Variants in NEK10 observed in about 807,000 individuals in gnomAD.
The protein encoded by NEK10 is serine/threonine-protein kinase Nek10.
Under a neutral mutation model 159.8 loss-of-function variants are expected in NEK10, and 122 were observed. The observed-to-expected ratio is 0.76, with a 90% CI of 0.66 to 0.89. NEK10 has a LOEUF of 0.89. Among genes scored for constraint, NEK10 ranks in the 40% least tolerant of loss-of-function variants. NEK10 has a pLI of 0.00. For synonymous variants in NEK10, 466 were observed against 457.1 expected, an observed-to-expected ratio of 1.02 and a Z score of -0.25; for missense variants, 1,342 against 1,323.1, an observed-to-expected ratio of 1.01 and a Z score of -0.22.
intron 32 of NEK10, among the ~76,000 whole-genome samples, chr3:27,124,021 T>G (rs1158283947): frequency 6.6e-6 from 1 of 152,040 alleles, no homozygotes; most frequent in Non-Finnish European, 1.5e-5. Context: ...GTGTTGTGTG[T>G]GTGTGTGTAC....
chr3:27,235,852 T>A (rs2149234274), intron 23 of NEK10, among the ~76,000 whole-genome samples: 1 of 152,222 alleles, frequency 6.6e-6, no homozygotes, highest in East Asian at 1.9e-4. Flanking sequence ...GCTGCACTAT[T>A]CACAATAGCC....
At chr3:27,184,447 G>C (rs1192342743) in intron 26 of NEK10, among the ~76,000 whole-genome samples, 1 of 152,228 alleles carries the variant, frequency 6.6e-6, no homozygotes, top group East Asian at 1.9e-4. Flanking sequence ...GGAACATTCT[G>C]AGGTGAGATA....
chr3:27,275,152 T>C (rs542352919), intron 22 of NEK10, among the ~76,000 whole-genome samples: 29 of 152,298 alleles, frequency 1.9e-4, no homozygotes, highest in African/African-American at 6.5e-4. Context: ...CAGAAAAGGA[T>C]AACAATTGTC....
In NEK10 at chr3:27,284,641, T is replaced by G. The variant is rs1275607282; in HGVS notation, c.1975A>C (p.Asn659His). ...KRIVHRDLTP[N>H]NIMLGDKDKV... ...TCCTTATCCCCCAACATAATGTTGT[T>G]TGGTGTCAGATCTCTATGGACAATC... Residue 659 changes from asparagine to histidine, a missense_variant, in exon 22 of 36, where the codon AAC becomes CAC. Coordinates refer to ENST00000691995, the MANE Select transcript of NEK10 (RefSeq NM_001394966.1). 1 of 1,607,404 alleles carries G rather than the reference T, an allele frequency of 6.2e-7. No individual in the cohort carries two copies. Among genetic ancestry groups the G allele is most frequent in the Non-Finnish European group, 8.5e-7 (1 of 1,174,042 alleles).
intron 22 of NEK10, among the ~76,000 whole-genome samples, chr3:27,272,813 A>G (rs2041472448): frequency 6.6e-6 from 1 of 151,818 alleles, no homozygotes; most frequent in African/African-American, 2.4e-5. Context: ...AAAGAATCAC[A>G]CATATAAATG....
At chr3:27,231,960 G>A (rs952182116) in intron 23 of NEK10, among the ~76,000 whole-genome samples, 9 of 151,884 alleles carry the variant, frequency 5.9e-5, no homozygotes, top group African/African-American at 1.9e-4. Context: ...GATAGAGAGA[G>A]AGGGAATCAT....
intron 9 of NEK10, 137 bp from the exon 10 acceptor site, chr3:27,309,142 C>CTGT (rs2044476971): frequency 5.9e-6 from 2 of 338,778 alleles, no homozygotes; most frequent in Non-Finnish European, 1.0e-5. Flanking sequence ...ATAGGCTTAA[C>CTGT]TGTTTTTTTT....
chr3:27,295,366 T>C (rs1042768129), intron 15 of NEK10, among the ~76,000 whole-genome samples: 1 of 152,196 alleles, frequency 6.6e-6, no homozygotes, highest in African/African-American at 2.4e-5. Flanking sequence ...ATAGAACTTA[T>C]TGATAAGCAA....
At chr3:27,190,196 C>A (rs1224670908) in intron 26 of NEK10, among the ~76,000 whole-genome samples, 1 of 152,150 alleles carries the variant, frequency 6.6e-6, no homozygotes, top group African/African-American at 2.4e-5. Flanking sequence ...GATGAGTATA[C>A]AACCTCTGGA....
chr3:27,270,680 C>G (rs560726119), intron 22 of NEK10, among the ~76,000 whole-genome samples: 35 of 152,214 alleles, frequency 2.3e-4, no homozygotes, highest in African/African-American at 7.9e-4. Context: ...ATATAATTCT[C>G]CACTTCAGGT....
intron 31 of NEK10, among the ~76,000 whole-genome samples, chr3:27,134,902 C>T (rs1363895460): frequency 6.6e-6 from 1 of 152,098 alleles, no homozygotes; most frequent in Non-Finnish European, 1.5e-5. Flanking sequence ...GTCTATGATT[C>T]ATTTGAGCCA....
intron 12 of NEK10, among the ~76,000 whole-genome samples, 199 bp from the exon 13 acceptor site, chr3:27,302,034 C>A (rs995011085): frequency 6.6e-6 from 1 of 152,270 alleles, no homozygotes; most frequent in Admixed American, 6.5e-5. Flanking sequence ...TGATTTCTCA[C>A]TATTTATTGA....
At position 27,346,172 on chromosome 3, in the gene NEK10, C is replaced by T. The variant is rs376739233; in HGVS notation, c.177G>A (p.Lys59=). 1 of 1,613,732 alleles carries T rather than the reference C, an allele frequency of 6.2e-7. No homozygotes were observed. The highest frequency in any genetic ancestry group is 1.3e-5 in the African/African-American group (1 of 75,036). Residue 59 remains lysine (K), a synonymous_variant, in exon 4 of 36, where the codon AAG becomes AAA. Transcript: ENST00000691995. Reference sequence around the variant, plus strand: ...CACCCGCCCTGATGGCGGGCTCAGACTTCGTCATGCTATTTTGGGCACTAT... The same window carrying T: ...CACCCGCCCTGATGGCGGGCTCAGATTTCGTCATGCTATTTTGGGCACTAT... ...NFDSAQNSMT[K]SEPAIRAGGH...
At chr3:27,112,848 A>G (rs1439056071) in intron 35 of NEK10, among the ~76,000 whole-genome samples, 4 of 152,180 alleles carry the variant, frequency 2.6e-5, no homozygotes, top group African/African-American at 9.7e-5. Flanking sequence ...GCAGTCTACT[A>G]ATTCTAAATA....
rs372056462 is a variant in NEK10 at position 27,263,982 on chromosome 3, T to C, written c.2015-7611A>G. Among the ~76,000 whole-genome samples, 9 of 152,282 alleles carry C rather than the reference T, an allele frequency of 5.9e-5. No homozygotes were observed. The South Asian group carries it at 1.5e-3, about 25-fold the overall frequency. On this transcript the variant is annotated intron_variant, in intron 22 of 35. Transcript: ENST00000691995. ...ATGTATTATATATAAATACATGTAGTAGAGTATTGAATAAATGATGTATAT... is the reference window on the plus strand; with the variant it reads ...ATGTATTATATATAAATACATGTAGCAGAGTATTGAATAAATGATGTATAT...
At chr3:27,210,517 T>C (rs1950913118) in intron 23 of NEK10, among the ~76,000 whole-genome samples, 1 of 152,188 alleles carries the variant, frequency 6.6e-6, no homozygotes, top group Non-Finnish European at 1.5e-5. Context: ...ACCATAGCAC[T>C]CTGTATAACG....
rs941709367 is a variant in NEK10 at position 27,110,408 on chromosome 3, A to G, written c.*864T>C. The G allele has an allele frequency of 2.0e-5, 3 of 152,214 alleles. No homozygotes were observed. Among genetic ancestry groups the G allele is most frequent in the Non-Finnish European group, 4.4e-5 (3 of 68,042 alleles). 9.4% of individuals were successfully genotyped at this position (152,214 alleles called of 1,614,324 possible). A position where few individuals can be genotyped will look rare whatever the true frequency, so the allele number is the denominator to read the frequency against. ...TAAACAATTCATAAACAATTTAGGTAATTGTAATAAGGAGGGATTTAGGAT... is the reference window on the plus strand; with the variant it reads ...TAAACAATTCATAAACAATTTAGGTGATTGTAATAAGGAGGGATTTAGGAT... On this transcript the variant is annotated 3_prime_UTR_variant, in exon 36 of 36. Transcript: ENST00000691995.
At chr3:27,196,624 G>T (rs1282876359) in intron 25 of NEK10, among the ~76,000 whole-genome samples, 1 of 152,124 alleles carries the variant, frequency 6.6e-6, no homozygotes, top group Admixed American at 6.6e-5. Flanking sequence ...AAGAGTCCTG[G>T]GTAGCCATAG....
intron 22 of NEK10, among the ~76,000 whole-genome samples, chr3:27,258,390 G>T (rs1204078248): frequency 8.5e-6 from 1 of 117,788 alleles, no homozygotes; most frequent in Non-Finnish European, 1.7e-5. Context: ...CCCACAACAG[G>T]CCCTGGTGTG....
Sources: allele counts gnomAD v4.1 joint callset (sites outside exome capture counted in the v4.1 genomes callset), GRCh38; gene constraint gnomAD v4.1.1; transcripts MANE v1.5; gene names NCBI Gene and HGNC (gene_info 2026-07-23, HGNC 2026-07-21).